NUFIP2: variants seen among roughly 807,000 people sequenced by gnomAD.
The protein encoded by NUFIP2 is nuclear FMR1 interacting protein 2.
In NUFIP2, 6 loss-of-function variants were observed where a neutral mutation model predicts 56.9. That is an observed-to-expected ratio of 0.11 (90% CI 0.06 to 0.21). NUFIP2 has a LOEUF of 0.21. Among genes scored for constraint, NUFIP2 ranks in the 10% least tolerant of loss-of-function variants. NUFIP2 has a pLI of 1.00. For missense variants in NUFIP2, 828 were observed against 826.8 expected, an observed-to-expected ratio of 1.00 and a Z score of -0.02; for synonymous variants, 321 against 298.2, an observed-to-expected ratio of 1.08 and a Z score of -0.79.
At chr17:29,267,466 A>T (rs1253039423) in intron 3 of NUFIP2, 32 bp downstream of exon 3, 1 of 1,232,766 alleles carries the variant, frequency 8.1e-7, no homozygotes, top group Non-Finnish European at 1.2e-6. Flanking sequence ...GTTACTTATT[A>T]GTGACATTTT....
intron 2 of NUFIP2, among the ~76,000 whole-genome samples, chr17:29,274,448 G>A (rs2046610044): frequency 6.6e-6 from 1 of 152,144 alleles, no homozygotes; most frequent in Admixed American, 6.6e-5. Flanking sequence ...ACTCCAGCCT[G>A]GGCAATAAAG....
chr17:29,284,323 C>T (rs771672024), intron 2 of NUFIP2, among the ~76,000 whole-genome samples: 5 of 152,160 alleles, frequency 3.3e-5, no homozygotes, highest in Non-Finnish European at 7.3e-5. Context: ...CATCGTTAAA[C>T]CTCATTATTT....
In NUFIP2 at chr17:29,258,918, T is replaced by C. The variant is rs1025646987; in HGVS notation, c.*5621A>G. The C allele has an allele frequency of 5.3e-5, 8 of 152,192 alleles. No individual in the cohort carries two copies. The highest frequency in any genetic ancestry group is 1.5e-5 in the Non-Finnish European group (1 of 68,026). 9.4% of individuals were successfully genotyped at this position (152,192 alleles called of 1,614,324 possible). A position where few individuals can be genotyped will look rare whatever the true frequency, so the allele number is the denominator to read the frequency against. On this transcript the variant is annotated 3_prime_UTR_variant, in exon 4 of 4. Transcript: ENST00000225388. ...ATTCTTAAAATGCAACAATATCTAATGAAATGTATTCAAGATCATGAAAGG... is the reference window on the plus strand; with the variant it reads ...ATTCTTAAAATGCAACAATATCTAACGAAATGTATTCAAGATCATGAAAGG...
chr17:29,278,607 AAT>A (rs2069122523), intron 2 of NUFIP2, among the ~76,000 whole-genome samples: 1 of 20,858 alleles, frequency 4.8e-5, no homozygotes, highest in African/African-American at 3.2e-4. Flanking sequence ...CTATGATAGT[AAT>A]AGCTTGGAAT....
intron 1 of NUFIP2, among the ~76,000 whole-genome samples, chr17:29,290,808 CAA>C (rs2069207528): frequency 6.6e-6 from 1 of 151,904 alleles, no homozygotes; most frequent in Non-Finnish European, 1.5e-5. Context: ...ACAGGTTAAA[CAA>C]AGGTTTGTAT....
Position 29,276,029 on chromosome 17 carries a change from A to AATATATATATAT in NUFIP2, c.2003-8511_2003-8500dup, listed in dbSNP as rs71135888. ...GGTGACAGAGTAAGACTCCGTCTCAAATATATATATATATATATATCTGAA... is the reference window on the plus strand; with the variant it reads ...GGTGACAGAGTAAGACTCCGTCTCAAATATATATATATATATATATATATATATATATCTGAA... On this transcript the variant is annotated intron_variant, in intron 2 of 3. Transcript: ENST00000225388. 2.8e-4 allele frequency among the ~76,000 whole-genome samples: 39 copies of AATATATATATAT among 138,208 alleles called. 2 individuals carry two copies. Among genetic ancestry groups the AATATATATATAT allele is most frequent in the African/African-American group, 6.4e-4 (23 of 35,782 alleles). 90.7% of individuals were successfully genotyped at this position (138,208 alleles called of 152,430 possible). A position where few individuals can be genotyped will look rare whatever the true frequency, so the allele number is the denominator to read the frequency against.
chr17:29,286,761 A>G lies in NUFIP2; in HGVS notation c.1233T>C (p.Ser411=), dbSNP rs1268743974. 1 of 1,614,008 alleles carries G rather than the reference A, an allele frequency of 6.2e-7. No homozygotes were observed. Among genetic ancestry groups the G allele is most frequent in the African/African-American group, 1.3e-5 (1 of 74,912 alleles). The change falls in exon 2 of 4, where the codon TCT becomes TCC. Residue 411 remains serine (S), a synonymous_variant. Coordinates refer to ENST00000225388, the MANE Select transcript of NUFIP2 (RefSeq NM_020772.3). The stretch of plus-strand genomic sequence containing the variant: ...AAACAGGCCCATTAGAAAAGTTGGC[A>G]GAAGTAACAGATTTCAGCGCTGACA... ...VPMSALKSVT[S]ANFSNGPVLA...
At chr17:29,292,821 A>G (rs1317786343) in intron 1 of NUFIP2, among the ~76,000 whole-genome samples, 8 of 100,026 alleles carry the variant, frequency 8.0e-5, no homozygotes, top group Admixed American at 6.6e-4. Context: ...CCCGCCCCTC[A>G]CCCCAGGGAC....
intron 2 of NUFIP2, among the ~76,000 whole-genome samples, chr17:29,281,140 A>G (rs2069137203): frequency 6.7e-6 from 1 of 149,378 alleles, no homozygotes; most frequent in African/African-American, 2.5e-5. Flanking sequence ...ATATGTATAT[A>G]TACATATATA....
intron 2 of NUFIP2, among the ~76,000 whole-genome samples, chr17:29,284,964 A>C (rs1396175330): frequency 6.6e-6 from 1 of 152,146 alleles, no homozygotes; most frequent in Non-Finnish European, 1.5e-5. Context: ...TAATCAAATT[A>C]GAACTATTAA....
Position 29,264,492 on chromosome 17 carries a change from G to A in NUFIP2, c.*47C>T, listed in dbSNP as rs371560511. On this transcript the variant is annotated 3_prime_UTR_variant, in exon 4 of 4. Coordinates refer to ENST00000225388, the MANE Select transcript of NUFIP2 (RefSeq NM_020772.3). ...TAAAAGCCTTGTGTCCCCCATGAAC[G>A]ATGGCTCTAATGCTGCAGAAAGGTT... 8.0e-5 allele frequency: 108 copies of A among 1,356,266 alleles called. 1 individual carries two copies. In the South Asian group the frequency reaches 1.0e-3, roughly 13 times the overall value. 84.0% of individuals were successfully genotyped at this position (1,356,266 alleles called of 1,614,324 possible).
chr17:29,281,149 T>TA (rs1227947641), intron 2 of NUFIP2, among the ~76,000 whole-genome samples: 4 of 147,374 alleles, frequency 2.7e-5, no homozygotes, highest in East Asian at 4.1e-4. Context: ...TATACATATA[T>TA]AAAAAATACA....
At chr17:29,271,054 C>A (rs1489261768) in intron 2 of NUFIP2, among the ~76,000 whole-genome samples, 1 of 152,120 alleles carries the variant, frequency 6.6e-6, no homozygotes, top group Non-Finnish European at 1.5e-5. Context: ...GTTGAAGATA[C>A]TTCTTTACTG....
At chr17:29,264,690 T>A (rs1057453649) in intron 3 of NUFIP2, 99 bp from the exon 4 acceptor site, 2 of 693,672 alleles carry the variant, frequency 2.9e-6, no homozygotes, top group Non-Finnish European at 5.0e-6. Flanking sequence ...AACTGACCAA[T>A]TTTTTTATGA....
At chr17:29,283,850 A>G (rs891691771) in intron 2 of NUFIP2, among the ~76,000 whole-genome samples, 2 of 152,240 alleles carry the variant, frequency 1.3e-5, no homozygotes, top group African/African-American at 4.8e-5. Context: ...ACCTTCAAAG[A>G]GCAGAGCTGG....
chr17:29,283,252 C>T (rs1018558803), intron 2 of NUFIP2, among the ~76,000 whole-genome samples: 2 of 152,126 alleles, frequency 1.3e-5, no homozygotes, highest in African/African-American at 2.4e-5. Flanking sequence ...GTTAACATTC[C>T]AATTTAAAAA....
chr17:29,270,010 G>A (rs975275736), intron 2 of NUFIP2, among the ~76,000 whole-genome samples: 10 of 151,872 alleles, frequency 6.6e-5, no homozygotes, highest in African/African-American at 2.2e-4. Context: ...GTGAGCCACC[G>A]CGCCTGGCCA....
chr17:29,261,596 G>A lies in NUFIP2; in HGVS notation c.*2943C>T, dbSNP rs1386876448. ...ATTAATCACAGCTGAAGTTTGTTTAGAAGCTTACACAAAATAATCAGAAAA... is the reference window on the plus strand; with the variant it reads ...ATTAATCACAGCTGAAGTTTGTTTAAAAGCTTACACAAAATAATCAGAAAA... On this transcript the variant is annotated 3_prime_UTR_variant, in exon 4 of 4. Coordinates refer to ENST00000225388, the MANE Select transcript of NUFIP2 (RefSeq NM_020772.3). 1 of 152,446 alleles carries A rather than the reference G, an allele frequency of 6.6e-6. No individual in the cohort carries two copies. Among genetic ancestry groups the A allele is most frequent in the Admixed American group, 6.5e-5 (1 of 15,268 alleles). 9.4% of individuals were successfully genotyped at this position (152,446 alleles called of 1,614,324 possible).
At chr17:29,270,589 T>C (rs1460799893) in intron 2 of NUFIP2, among the ~76,000 whole-genome samples, 1 of 152,188 alleles carries the variant, frequency 6.6e-6, no homozygotes, top group East Asian at 1.9e-4. Flanking sequence ...ATTTCATATT[T>C]TGTAGCAAAT....
Sources: gnomAD v4.1 joint callset for allele counts (sites outside exome capture counted in the v4.1 genomes callset) on GRCh38, gnomAD v4.1.1 for gene constraint, MANE v1.5 for transcripts, NCBI Gene and HGNC (gene_info 2026-07-23, HGNC 2026-07-21) for gene names.